AP5M1: variants seen among roughly 807,000 people sequenced by gnomAD.
AP5M1 encodes the protein adaptor related protein complex 5 subunit mu 1.
Under a neutral mutation model 52.3 loss-of-function variants are expected in AP5M1, and 44 were observed. The ratio of observed to expected loss-of-function variants is 0.84; its 90% CI spans 0.66 to 1.08. The LOEUF is 1.08. AP5M1 is among the 50% of genes least tolerant of loss of function. The pLI is 0.00. For missense variants in AP5M1, 526 were observed against 568.4 expected, an observed-to-expected ratio of 0.93 and a Z score of 0.76; for synonymous variants, 213 against 199.0, an observed-to-expected ratio of 1.07 and a Z score of -0.59.
chr14:57,283,504 G>A lies in AP5M1; in HGVS notation c.1293+274G>A, dbSNP rs576293419. Among the ~76,000 whole-genome samples, 7 of 152,312 alleles carry A rather than the reference G, an allele frequency of 4.6e-5. No homozygotes were observed. The East Asian group carries it at 1.2e-3, about 25-fold the overall frequency. On this transcript the variant is annotated intron_variant, in intron 6 of 7. Coordinates refer to ENST00000261558, the MANE Select transcript of AP5M1 (RefSeq NM_018229.4). ...TTGGGGAGACTGAGGTGGGAGGATCGCTCAAGCCCAGGAGTTCAAGGTTAC... is the reference window on the plus strand; with the variant it reads ...TTGGGGAGACTGAGGTGGGAGGATCACTCAAGCCCAGGAGTTCAAGGTTAC...
chr14:57,273,769 TC>T (rs1404186715), intron 1 of AP5M1: 1 of 700,554 alleles, frequency 1.4e-6, no homozygotes, highest in Non-Finnish European at 2.6e-6. Flanking sequence ...AATAGAACAT[TC>T]CTTTTAAAAT....
Position 57,294,130 on chromosome 14 carries a change from AT to A in AP5M1, c.*5249del, listed in dbSNP as rs1885500098. The A allele has an allele frequency of 1.3e-5, 2 of 151,814 alleles. No homozygotes were observed. Among genetic ancestry groups the A allele is most frequent in the Admixed American group, 6.6e-5 (1 of 15,182 alleles). 9.4% of individuals were successfully genotyped at this position (151,814 alleles called of 1,614,324 possible). ...AGCAGGATACTGCAAGGTCTGGTTGATTTCTCTAATGCCCTAGCTAATCTGC... is the reference window on the plus strand; with the variant it reads ...AGCAGGATACTGCAAGGTCTGGTTGATTCTCTAATGCCCTAGCTAATCTGC... On this transcript the variant is annotated 3_prime_UTR_variant, in exon 8 of 8. Coordinates refer to ENST00000261558, the MANE Select transcript of AP5M1 (RefSeq NM_018229.4).
At chr14:57,274,090 GGTT>G (rs1477885305) in intron 1 of AP5M1, among the ~76,000 whole-genome samples, 151 bp from the exon 2 acceptor site, 3 of 152,038 alleles carry the variant, frequency 2.0e-5, no homozygotes, top group Non-Finnish European at 2.9e-5. Flanking sequence ...ATAATTTTTT[GGTT>G]GTTGGCTTTT....
rs1836796356 is a variant in AP5M1 at position 57,294,680 on chromosome 14, A to T, written c.*5796A>T. On this transcript the variant is annotated 3_prime_UTR_variant, in exon 8 of 8. Coordinates refer to ENST00000261558, the MANE Select transcript of AP5M1 (RefSeq NM_018229.4). ...AGACTACTTAGCTGGGGCTCTTTAA[A>T]TGTTGGAACTATAGTAACACACATT... 1 of 151,904 alleles carries T rather than the reference A, an allele frequency of 6.6e-6. No individual in the cohort carries two copies. The highest frequency in any genetic ancestry group is 2.4e-5 in the African/African-American group (1 of 41,404). 9.4% of individuals were successfully genotyped at this position (151,904 alleles called of 1,614,324 possible).
intron 2 of AP5M1, among the ~76,000 whole-genome samples, chr14:57,279,735 C>T (rs1034458409): frequency 1.3e-5 from 2 of 152,094 alleles, no homozygotes; most frequent in African/African-American, 2.4e-5. Flanking sequence ...CAATGAAAGG[C>T]TTTACAGGTA....
intron 2 of AP5M1, chr14:57,278,627 A>T (rs1305127494): frequency 6.6e-6 from 1 of 152,266 alleles, no homozygotes; most frequent in Non-Finnish European, 1.5e-5. Context: ...TAGAGGTGAT[A>T]CAGAATGTAA....
chr14:57,293,601 C>T lies in AP5M1; in HGVS notation c.*4717C>T, dbSNP rs565960703. 1.3e-5 allele frequency: 2 copies of T among 151,764 alleles called. No individual in the cohort carries two copies. The highest frequency in any genetic ancestry group is 6.6e-5 in the Admixed American group (1 of 15,202). 9.4% of individuals were successfully genotyped at this position (151,764 alleles called of 1,614,324 possible). A position where few individuals can be genotyped will look rare whatever the true frequency, so the allele number is the denominator to read the frequency against. On this transcript the variant is annotated 3_prime_UTR_variant, in exon 8 of 8. Transcript: ENST00000261558. The stretch of plus-strand genomic sequence containing the variant: ...AACGGCATTCTATAAAGATAGAGGG[C>T]AGGTTCCCATGGCTATGTTGCTAAG...
intron 2 of AP5M1, among the ~76,000 whole-genome samples, chr14:57,276,759 T>C (rs913250347): frequency 1.3e-5 from 2 of 152,166 alleles, no homozygotes; most frequent in African/African-American, 4.8e-5. Context: ...GTTCCTACTC[T>C]TAGTCCTGAT....
At chr14:57,272,270 C>G (rs572444150) in intron 1 of AP5M1, among the ~76,000 whole-genome samples, 3 of 152,038 alleles carry the variant, frequency 2.0e-5, no homozygotes, top group Admixed American at 1.3e-4. Flanking sequence ...GTTTTCTAAC[C>G]TCTTGGGGGA....
intron 6 of AP5M1, among the ~76,000 whole-genome samples, chr14:57,284,542 T>C (rs1885262379): frequency 6.6e-6 from 1 of 152,012 alleles, no homozygotes; most frequent in Admixed American, 6.6e-5. Context: ...TAATGCTGAG[T>C]TAGTGTAGTG....
rs1857044528 is a variant in AP5M1, at chr14:57,282,017, T to C, written c.949-72T>C. 2.3e-6 allele frequency: 3 copies of C among 1,310,216 alleles called. No individual in the cohort carries two copies. In the African/African-American group the frequency reaches 4.7e-5, roughly 20 times the overall value. 81.2% of individuals were successfully genotyped at this position (1,310,216 alleles called of 1,614,324 possible). ...ATCTCCAAGTCATTAAAAGTAACTC[T>C]TTTCTCAGTTACTTTTGTTGTTTTA... On this transcript the variant is annotated intron_variant, in intron 3 of 7. Coordinates refer to ENST00000261558, the MANE Select transcript of AP5M1 (RefSeq NM_018229.4).
chr14:57,273,656 A>C, intron 1 of AP5M1: 1 of 693,916 alleles, frequency 1.4e-6, no homozygotes, highest in Non-Finnish European at 2.6e-6. Flanking sequence ...AGTATCTTCC[A>C]GGGCCATAGA....
intron 1 of AP5M1, among the ~76,000 whole-genome samples, chr14:57,269,643 C>A (rs530346103): frequency 6.6e-6 from 1 of 152,104 alleles, no homozygotes; most frequent in African/African-American, 2.4e-5. Flanking sequence ...TTTAAAATGA[C>A]CTCCGTCTGC....
At chr14:57,274,972 A>C (rs1007658979) in intron 2 of AP5M1, 83 bp downstream of exon 2, 4 of 1,498,240 alleles carry the variant, frequency 2.7e-6, no homozygotes, top group Non-Finnish European at 3.7e-6. Flanking sequence ...ATTTTAAATA[A>C]CATTTTTTAT....
chr14:57,285,264 CA>C (rs1299150711), intron 6 of AP5M1, among the ~76,000 whole-genome samples: 1 of 152,110 alleles, frequency 6.6e-6, no homozygotes, highest in Non-Finnish European at 1.5e-5. Context: ...ATTCCTACTT[CA>C]GATACCTTTC....
rs1885573943 is a variant in AP5M1, at chr14:57,297,309, A to AT, written c.*8429dup. Reference sequence around the variant, plus strand: ...GATTCCCCTCCTGCCTCCTTCACTGATTTTGAATGTGTGCTCAATTTGCTA... The same window carrying AT: ...GATTCCCCTCCTGCCTCCTTCACTGATTTTTGAATGTGTGCTCAATTTGCTA... On this transcript the variant is annotated 3_prime_UTR_variant, in exon 8 of 8. Transcript: ENST00000261558. 1 of 152,136 alleles carries AT rather than the reference A, an allele frequency of 6.6e-6. No individual in the cohort carries two copies. Among genetic ancestry groups the AT allele is most frequent in the Non-Finnish European group, 1.5e-5 (1 of 67,970 alleles). 9.4% of individuals were successfully genotyped at this position (152,136 alleles called of 1,614,324 possible). A position where few individuals can be genotyped will look rare whatever the true frequency, so the allele number is the denominator to read the frequency against.
chr14:57,274,042 T>C (rs1884957053), intron 1 of AP5M1, among the ~76,000 whole-genome samples: 1 of 152,218 alleles, frequency 6.6e-6, no homozygotes. Flanking sequence ...ATATACCAGA[T>C]ATGAAACAGT....
At position 57,274,271 on chromosome 14, in the gene AP5M1, C is replaced by CAG. The variant is rs771361986; in HGVS notation, c.105_106dup (p.Val36GlufsTer53). 2 of 1,612,488 alleles carry CAG rather than the reference C, an allele frequency of 1.2e-6. No homozygotes were observed. Among genetic ancestry groups the CAG allele is most frequent in the South Asian group, 2.2e-5 (2 of 90,830 alleles). ...GGTATCCAACTGTTGAAAAACGAGC[C>CAG]AGAGTCTTCAATGGAGCAAGTTATG... On this transcript the variant is annotated frameshift_variant, in exon 2 of 8. Transcript: ENST00000261558. LOFTEE classifies it high-confidence loss of function.
In AP5M1 at chr14:57,286,032, G is replaced by A. The variant is rs111908049; in HGVS notation, c.1294-191G>A. Among the ~76,000 whole-genome samples, 319 of 151,564 alleles carry A rather than the reference G, an allele frequency of 2.1e-3. 2 individuals are homozygous for A. The highest frequency in any genetic ancestry group is 7.0e-3 in the African/African-American group (288 of 41,340). On this transcript the variant is annotated intron_variant, in intron 6 of 7. Coordinates refer to ENST00000261558, the MANE Select transcript of AP5M1 (RefSeq NM_018229.4). ...ACAAAAAAATGGCCCTAATGCAAACGGAAAAAAAAACTGTGTGTGTTTTTG... is the reference window on the plus strand; with the variant it reads ...ACAAAAAAATGGCCCTAATGCAAACAGAAAAAAAAACTGTGTGTGTTTTTG...
Sources: gnomAD v4.1 joint callset for allele counts (sites outside exome capture counted in the v4.1 genomes callset) on GRCh38, gnomAD v4.1.1 for gene constraint, MANE v1.5 for transcripts, NCBI Gene and HGNC (gene_info 2026-07-23, HGNC 2026-07-21) for gene names.